The following CCDC60 variants were observed in gnomAD, a reference collection of about 807,000 sequenced individuals.
The protein encoded by CCDC60 is coiled-coil domain containing 60.
A neutral mutation model predicts 63.5 loss-of-function variants in CCDC60; 54 were observed. That is an observed-to-expected ratio of 0.85 (90% CI 0.68 to 1.07). The LOEUF is 1.07. CCDC60 is among the 50% of genes least tolerant of loss of function. The pLI is 0.00. For missense variants in CCDC60, 651 were observed against 684.3 expected (o/e 0.95, Z 0.54); for synonymous variants, 206 against 238.8 (o/e 0.86, Z 1.27).
chr12:119,528,359 C>G (rs1450194964), intron 11 of CCDC60, among the ~76,000 whole-genome samples: 1 of 152,010 alleles, frequency 6.6e-6, no homozygotes. Flanking sequence ...TATGTAAATA[C>G]AATCAGAAGT....
chr12:119,484,263 A>G (rs1951388876), intron 4 of CCDC60, among the ~76,000 whole-genome samples: 1 of 152,174 alleles, frequency 6.6e-6, no homozygotes, highest in African/African-American at 2.4e-5. Flanking sequence ...AGGATTTTAT[A>G]AGAATGAACT....
chr12:119,449,556 G>C (rs117800296), intron 2 of CCDC60, among the ~76,000 whole-genome samples: 2 of 152,192 alleles, frequency 1.3e-5, no homozygotes, highest in African/African-American at 4.8e-5. Context: ...AAAAAAAGGC[G>C]TGTATTTAAT....
chr12:119,491,380 G>A (rs1479856594), intron 5 of CCDC60, among the ~76,000 whole-genome samples: 1 of 152,166 alleles, frequency 6.6e-6, no homozygotes, highest in African/African-American at 2.4e-5. Flanking sequence ...CCAGGCTGGA[G>A]TACAATGGCG....
At chr12:119,510,756 C>G (rs1952196316) in intron 7 of CCDC60, among the ~76,000 whole-genome samples, 1 of 152,096 alleles carries the variant, frequency 6.6e-6, no homozygotes, top group Non-Finnish European at 1.5e-5. Flanking sequence ...TGCCAGAACT[C>G]CAGCCGTCAC....
intron 1 of CCDC60, among the ~76,000 whole-genome samples, chr12:119,346,017 G>A (rs1417478963): frequency 3.6e-5 from 5 of 137,492 alleles, no homozygotes; most frequent in Non-Finnish European, 7.7e-5. Flanking sequence ...TAGAGATGGA[G>A]TTTTGCCATA....
At chr12:119,498,825 G>A (rs191071468) in intron 5 of CCDC60, among the ~76,000 whole-genome samples, 1 of 152,308 alleles carries the variant, frequency 6.6e-6, no homozygotes, top group African/African-American at 2.4e-5. Flanking sequence ...GATATGTAAA[G>A]GTAGTTGAGA....
chr12:119,379,639 G>A (rs1374353103), intron 1 of CCDC60, among the ~76,000 whole-genome samples: 3 of 152,198 alleles, frequency 2.0e-5, no homozygotes, highest in Non-Finnish European at 4.4e-5. Flanking sequence ...AGTATGTATG[G>A]TGAAATGTGC....
chr12:119,414,733 TAGAG>T (rs147981530), intron 1 of CCDC60, among the ~76,000 whole-genome samples: 1 of 152,096 alleles, frequency 6.6e-6, no homozygotes, highest in Non-Finnish European at 1.5e-5. Context: ...TTGTTTTTTG[TAGAG>T]AGAGAGGTCT....
Position 119,417,074 on chromosome 12 carries a change from C to T in CCDC60, c.91-11609C>T, listed in dbSNP as rs145541363. On this transcript the variant is annotated intron_variant, in intron 1 of 13. Transcript: ENST00000327554. ...GGCAGAAGTTGCAGTGAGCCAAGAT[C>T]GCGCCATTGCACTCCAGCCTGGGCA... 3.4e-4 allele frequency among the ~76,000 whole-genome samples: 52 copies of T among 152,208 alleles called. 1 individual carries two copies. The East Asian group carries it at 3.9e-3, about 11-fold the overall frequency.
Position 119,516,723 on chromosome 12 carries a change from T to C in CCDC60, c.968+16T>C. 5 of 1,554,422 alleles carry C rather than the reference T, an allele frequency of 3.2e-6. No homozygotes were observed. The highest frequency in any genetic ancestry group is 1.1e-5 in the South Asian group (1 of 89,220). ...AAGCACCCAGGTATGTGCTCTTGAC[T>C]CCTGGGGCAAATAAAGCTTAGAATA... On this transcript the variant is annotated intron_variant, in intron 8 of 13. Coordinates refer to ENST00000327554, the MANE Select transcript of CCDC60 (RefSeq NM_178499.5).
chr12:119,361,204 G>A (rs1435930865), intron 1 of CCDC60, among the ~76,000 whole-genome samples: 1 of 150,690 alleles, frequency 6.6e-6, no homozygotes, highest in Admixed American at 6.6e-5. Flanking sequence ...GAGACGAGAG[G>A]GAGAGGGAGA....
chr12:119,377,170 G>T (rs547117401), intron 1 of CCDC60, among the ~76,000 whole-genome samples: 1 of 148,654 alleles, frequency 6.7e-6, no homozygotes, highest in Non-Finnish European at 1.5e-5. Flanking sequence ...TATGGGAATC[G>T]CTTGAGCTTG....
intron 1 of CCDC60, among the ~76,000 whole-genome samples, chr12:119,340,532 C>T (rs1337049928): frequency 6.6e-6 from 1 of 152,070 alleles, no homozygotes; most frequent in Non-Finnish European, 1.5e-5. Context: ...GCCCCACCCC[C>T]TGCCCCCCAC....
intron 1 of CCDC60, among the ~76,000 whole-genome samples, chr12:119,359,692 G>C (rs557153376): frequency 2.6e-5 from 4 of 151,018 alleles, no homozygotes; most frequent in African/African-American, 9.7e-5. Context: ...CTTCCGCAGC[G>C]TTTGTGTCCC....
At chr12:119,367,085 G>A (rs185806621) in intron 1 of CCDC60, among the ~76,000 whole-genome samples, 5 of 152,096 alleles carry the variant, frequency 3.3e-5, no homozygotes, top group African/African-American at 1.2e-4. Context: ...CACCCACCCC[G>A]GCCTCCCAAA....
In CCDC60 at chr12:119,540,718, T is replaced by A. The variant is rs753110164; in HGVS notation, c.*3T>A. Reference sequence around the variant, plus strand: ...GGCCCTACAGCGCCCTGAGGTAGGCTGGGCCTGGGTTGACCAGCTGTCTCA... The same window carrying A: ...GGCCCTACAGCGCCCTGAGGTAGGCAGGGCCTGGGTTGACCAGCTGTCTCA... On this transcript the variant is annotated 3_prime_UTR_variant, in exon 14 of 14. Transcript: ENST00000327554. 6 of 1,605,484 alleles carry A rather than the reference T, an allele frequency of 3.7e-6. No individual in the cohort carries two copies. The highest frequency in any genetic ancestry group is 1.7e-4 in the Middle Eastern group (1 of 5,960).
intron 7 of CCDC60, among the ~76,000 whole-genome samples, chr12:119,513,835 T>C (rs1253624944): frequency 1.3e-5 from 2 of 152,214 alleles, no homozygotes; most frequent in Non-Finnish European, 2.9e-5. Flanking sequence ...AACACAATTA[T>C]ATACAGTACA....
intron 1 of CCDC60, among the ~76,000 whole-genome samples, chr12:119,339,544 G>A (rs531577894): frequency 5.2e-5 from 1 of 19,180 alleles, no homozygotes; most frequent in Non-Finnish European, 1.4e-4. Context: ...GAACACTTTG[G>A]GGGGGGCCGA....
At chr12:119,354,138 C>T (rs184934000) in intron 1 of CCDC60, among the ~76,000 whole-genome samples, 1 of 151,942 alleles carries the variant, frequency 6.6e-6, no homozygotes, top group East Asian at 1.9e-4. Flanking sequence ...CTCTGTCTAC[C>T]CTCCATCATG....
Sources: allele counts gnomAD v4.1 joint callset (sites outside exome capture counted in the v4.1 genomes callset), GRCh38; gene constraint gnomAD v4.1.1; transcripts MANE v1.5; gene names NCBI Gene and HGNC (gene_info 2026-07-23, HGNC 2026-07-21).